LINGO2: variants seen among roughly 807,000 people sequenced by gnomAD.
The protein encoded by LINGO2 is leucine rich repeat and Ig domain containing 2, also known as leucine-rich repeat and immunoglobulin-like domain-containing nogo receptor-interacting protein 2.
A neutral mutation model predicts 30.6 loss-of-function variants in LINGO2; 14 were observed. The ratio of observed to expected loss-of-function variants is 0.46; its 90% CI spans 0.30 to 0.72. The LOEUF (loss-of-function observed/expected upper bound fraction) is 0.72, where lower values mean the gene tolerates loss of function less well. Among genes scored for constraint, LINGO2 ranks in the 30% least tolerant of loss-of-function variants. LINGO2 has a pLI of 0.07. For synonymous variants in LINGO2, 317 were observed against 288.5 expected (o/e 1.10, Z -1.00); for missense variants, 729 against 751.7 (o/e 0.97, Z 0.35).
At chr9:28,533,976 A>T (rs755957132) in intron 1 of LINGO2, among the ~76,000 whole-genome samples, 4 of 152,184 alleles carry the variant, frequency 2.6e-5, no homozygotes, top group African/African-American at 4.8e-5. Context: ...ATACATTGAT[A>T]AACACATCTA....
At chr9:28,724,833 T>G in the LINGO2 span, among the ~76,000 whole-genome samples, 1 of 152,088 alleles carries the variant, frequency 6.6e-6, no homozygotes, top group African/African-American at 2.4e-5. Flanking sequence ...ATATAACCTT[T>G]GAAGAGTCAC....
chr9:28,944,877 C>T, the LINGO2 span, among the ~76,000 whole-genome samples: 1 of 152,004 alleles, frequency 6.6e-6, no homozygotes, highest in African/African-American at 2.4e-5. Context: ...ATACCTGAAA[C>T]CTGTTTTTCA....
At chr9:28,460,812 T>C (rs1825048533) in intron 2 of LINGO2, among the ~76,000 whole-genome samples, 1 of 151,844 alleles carries the variant, frequency 6.6e-6, no homozygotes, top group Admixed American at 6.6e-5. Flanking sequence ...AAGTGTGTGG[T>C]TTGTGTGTGG....
the LINGO2 span, among the ~76,000 whole-genome samples, chr9:28,803,399 C>A: frequency 6.6e-6 from 1 of 151,658 alleles, no homozygotes; most frequent in Non-Finnish European, 1.5e-5. Context: ...TGGATCACAG[C>A]AAACAATATT....
At chr9:28,224,294 G>A (rs1018938719) in intron 4 of LINGO2, among the ~76,000 whole-genome samples, 5 of 152,138 alleles carry the variant, frequency 3.3e-5, no homozygotes, top group African/African-American at 1.2e-4. Context: ...TCGATCTCCT[G>A]ACCTCGTGAT....
At chr9:28,310,410 T>C (rs994923781) in intron 3 of LINGO2, among the ~76,000 whole-genome samples, 1 of 152,112 alleles carries the variant, frequency 6.6e-6, no homozygotes, top group Non-Finnish European at 1.5e-5. Flanking sequence ...CACAAAATAA[T>C]TATGCTGCAT....
intron 1 of LINGO2, among the ~76,000 whole-genome samples, chr9:28,625,982 G>T (rs955272398): frequency 1.1e-4 from 16 of 150,408 alleles, no homozygotes; most frequent in African/African-American, 3.5e-4. Context: ...GTGTATGTTT[G>T]ACTTTACTAA....
At chr9:28,005,556 T>C (rs1249572889) in intron 5 of LINGO2, among the ~76,000 whole-genome samples, 1 of 152,166 alleles carries the variant, frequency 6.6e-6, no homozygotes, top group Admixed American at 6.6e-5. Context: ...GATATACTTA[T>C]TTTTTAAGTG....
the LINGO2 span, among the ~76,000 whole-genome samples, chr9:28,885,388 C>T: frequency 0.095 from 7,869 of 82,546 alleles, 254 homozygotes; most frequent in Middle Eastern, 0.17. Context: ...TATATATACA[C>T]ATACATACAT....
At chr9:29,187,344 AAAC>A in the LINGO2 span, among the ~76,000 whole-genome samples, 1 of 152,206 alleles carries the variant, frequency 6.6e-6, no homozygotes, top group Non-Finnish European at 1.5e-5. Context: ...TCTTATAAGA[AAAC>A]AAGAATACAA....
chr9:28,559,756 T>G (rs1822940741), intron 1 of LINGO2, among the ~76,000 whole-genome samples: 1 of 152,136 alleles, frequency 6.6e-6, no homozygotes, highest in Admixed American at 6.5e-5. Context: ...TACAAGATTG[T>G]CCTTTTATGT....
At chr9:28,104,701 T>G (rs1167846369) in intron 4 of LINGO2, among the ~76,000 whole-genome samples, 1 of 152,144 alleles carries the variant, frequency 6.6e-6, no homozygotes, top group Non-Finnish European at 1.5e-5. Context: ...ACTTACACAT[T>G]TCTTCTCAAA....
the LINGO2 span, among the ~76,000 whole-genome samples, chr9:29,042,971 C>T: frequency 6.6e-6 from 1 of 151,676 alleles, no homozygotes; most frequent in Non-Finnish European, 1.5e-5. Context: ...CTATAAAAGG[C>T]CAACATAAGG....
intron 2 of LINGO2, among the ~76,000 whole-genome samples, chr9:28,454,112 A>T (rs1824752480): frequency 1.3e-5 from 2 of 152,042 alleles, no homozygotes; most frequent in Non-Finnish European, 2.9e-5. Flanking sequence ...TCTCAAAGAG[A>T]TAACCTAGAA....
chr9:28,595,353 T>A (rs1421306183), intron 1 of LINGO2, among the ~76,000 whole-genome samples: 6 of 152,202 alleles, frequency 3.9e-5, no homozygotes, highest in Middle Eastern at 3.4e-3. Flanking sequence ...TACCTATCTT[T>A]CACTCATTCC....
chr9:28,813,208 C>G, the LINGO2 span, among the ~76,000 whole-genome samples: 11 of 151,928 alleles, frequency 7.2e-5, no homozygotes, highest in African/African-American at 2.4e-4. Context: ...GTAGCCCAGC[C>G]CCCCCCAATT....
intron 4 of LINGO2, among the ~76,000 whole-genome samples, chr9:28,270,111 C>T (rs1190167720): frequency 1.3e-5 from 2 of 152,136 alleles, no homozygotes; most frequent in African/African-American, 4.8e-5. Flanking sequence ...TACCCCAGAT[C>T]ATCCTTTTCA....
Position 28,030,577 on chromosome 9 carries a change from C to G in LINGO2, c.-86-18172G>C, listed in dbSNP as rs536793375. ...TGGGAAATAATAAGTGTTGGCTACT[C>G]AATGCTTTAAGTATCTAACAGCAGA... On this transcript the variant is annotated intron_variant, in intron 4 of 5. Coordinates refer to ENST00000379992, the Ensembl canonical transcript of LINGO2. Among the ~76,000 whole-genome samples the G allele has an allele frequency of 2.4e-4, 37 of 152,284 alleles. 1 individual carries two copies. The highest frequency in any genetic ancestry group is 1.6e-4 in the Non-Finnish European group (11 of 68,020).
chr9:28,801,938 T>C, the LINGO2 span, among the ~76,000 whole-genome samples: 2 of 151,988 alleles, frequency 1.3e-5, no homozygotes, highest in African/African-American at 4.8e-5. Context: ...CCAAAATAAT[T>C]ACAATTCTCA....
Sources: gnomAD v4.1 joint callset for allele counts (sites outside exome capture counted in the v4.1 genomes callset) on GRCh38, gnomAD v4.1.1 for gene constraint, MANE v1.5 for transcripts, NCBI Gene and HGNC (gene_info 2026-07-23, HGNC 2026-07-21) for gene names.